Variants in TBC1D2B observed in about 807,000 individuals in gnomAD.
TBC1D2B encodes the protein TBC1 domain family member 2B.
In TBC1D2B, 64 loss-of-function variants were observed where a neutral mutation model predicts 100.8. The ratio of observed to expected loss-of-function variants is 0.64; its 90% CI spans 0.52 to 0.78. The LOEUF is 0.78. Among genes scored for constraint, TBC1D2B ranks in the 30% least tolerant of loss-of-function variants. TBC1D2B has a pLI of 0.00. For missense variants in TBC1D2B, 1,052 were observed against 1,218.4 expected (o/e 0.86, Z 2.03); for synonymous variants, 480 against 479.7 (o/e 1.00, Z -0.01).
rs541262120 is a variant in TBC1D2B, at chr15:78,026,768, G to A, written c.848-1271C>T. ...CTGTCTCTACTAAATATGCGTGGTG[G>A]TGCATGCCTGTAATCCCAGCTACTC... On this transcript the variant is annotated intron_variant, in intron 4 of 12. Coordinates refer to ENST00000300584, the MANE Select transcript of TBC1D2B (RefSeq NM_144572.2). Among the ~76,000 whole-genome samples the A allele has an allele frequency of 1.5e-3, 225 of 152,112 alleles. 1 individual carries two copies. Among genetic ancestry groups the A allele is most frequent in the Non-Finnish European group, 2.7e-3 (183 of 67,990 alleles).
At chr15:78,012,385 A>G (rs2072253791) in intron 9 of TBC1D2B, among the ~76,000 whole-genome samples, 1 of 152,244 alleles carries the variant, frequency 6.6e-6, no homozygotes, top group Non-Finnish European at 1.5e-5. Flanking sequence ...AAAGGAAACA[A>G]GTTTAAGTCC....
chr15:78,065,413 T>C (rs1015974924), intron 1 of TBC1D2B, among the ~76,000 whole-genome samples: 5 of 152,204 alleles, frequency 3.3e-5, no homozygotes, highest in African/African-American at 1.2e-4. Context: ...CCAGCTGGGC[T>C]GAGCCACAGA....
At chr15:78,036,331 C>A (rs1186107846) in intron 3 of TBC1D2B, among the ~76,000 whole-genome samples, 2 of 152,182 alleles carry the variant, frequency 1.3e-5, no homozygotes, top group Admixed American at 6.5e-5. Context: ...AGGTGGCAGG[C>A]CTGCAAGCCA....
chr15:78,045,322 C>A (rs1425966632), intron 2 of TBC1D2B, among the ~76,000 whole-genome samples: 1 of 152,064 alleles, frequency 6.6e-6, no homozygotes, highest in Non-Finnish European at 1.5e-5. Flanking sequence ...CAGTGTTGGC[C>A]CAGAGAAAGC....
rs1271263754 is a variant in TBC1D2B, at chr15:78,073,446, T to A, written c.360+3847A>T. ...AAGAAATGGTATTTGTAAAATTATA[T>A]ACCACTAGCTGAAGTCTGAGCAGGG... On this transcript the variant is annotated intron_variant, in intron 1 of 12. Transcript: ENST00000300584. Among the ~76,000 whole-genome samples, 3 of 152,194 alleles carry A rather than the reference T, an allele frequency of 2.0e-5. No individual in the cohort carries two copies. The East Asian group carries it at 5.8e-4, about 29-fold the overall frequency.
intron 6 of TBC1D2B, among the ~76,000 whole-genome samples, chr15:78,021,872 C>T (rs1263800395): frequency 6.6e-6 from 1 of 152,140 alleles, no homozygotes; most frequent in Non-Finnish European, 1.5e-5. Context: ...CGATCAGCTC[C>T]GTTAGCTGTC....
chr15:78,044,766 T>C (rs2073161085), intron 3 of TBC1D2B, 134 bp downstream of exon 3: 1 of 792,554 alleles, frequency 1.3e-6, no homozygotes, highest in Non-Finnish European at 1.9e-6. Flanking sequence ...CAATGATCTA[T>C]GGGAAAGTAT....
rs2071766051 is a variant in TBC1D2B at position 77,996,613 on chromosome 15, C to T, written c.*1547G>A. ...GGCCAGCTCCGTCTACCCAGTGAAA[C>T]ATTAGTGGAGTTGGTTAAAGACACG... On this transcript the variant is annotated 3_prime_UTR_variant, in exon 13 of 13. Transcript: ENST00000300584. 1 of 152,248 alleles carries T rather than the reference C, an allele frequency of 6.6e-6. No homozygotes were observed. The highest frequency in any genetic ancestry group is 1.5e-5 in the Non-Finnish European group (1 of 68,048). The allele number at this position is 152,248 out of a possible 1,614,324, so 9.4% of individuals were successfully genotyped here.
intron 4 of TBC1D2B, 26 bp from the exon 5 acceptor site, chr15:78,025,523 T>C (rs2072641034): frequency 1.5e-6 from 2 of 1,322,284 alleles, no homozygotes; most frequent in Non-Finnish European, 2.0e-6. Flanking sequence ...ACTTGTATTT[T>C]ATTATTATTA....
chr15:78,017,809 C>T (rs2141673074), intron 7 of TBC1D2B, 38 bp downstream of exon 7: 3 of 1,378,938 alleles, frequency 2.2e-6, no homozygotes, highest in African/African-American at 1.4e-5. Flanking sequence ...CTAACCTTAC[C>T]TCCCACCAGG....
chr15:78,035,889 G>A (rs898950187), intron 3 of TBC1D2B, among the ~76,000 whole-genome samples: 2 of 152,190 alleles, frequency 1.3e-5, no homozygotes, highest in South Asian at 2.1e-4. Flanking sequence ...TTCCAGATAA[G>A]TGCCTATATA....
Position 78,012,978 on chromosome 15 carries a change from T to A in TBC1D2B, c.2115A>T (p.Pro705=). 6.3e-7 allele frequency: 1 copy of A among 1,593,322 alleles called. No homozygotes were observed. The highest frequency in any genetic ancestry group is 8.6e-7 in the Non-Finnish European group (1 of 1,166,100). Residue 705 remains proline, a synonymous_variant, in exon 9 of 13, where the codon CCA becomes CCT. Coordinates refer to ENST00000300584, the MANE Select transcript of TBC1D2B (RefSeq NM_144572.2). ...LLQKALEKQN[P]ASKQIELDLL... ...AGTCCAGCTCAATCTGCTTGGAGGC[T>A]GGGTTCTGTTTCTCCAGCGCCTTCT... is the stretch of plus-strand genomic sequence containing the variant.
intron 1 of TBC1D2B, among the ~76,000 whole-genome samples, chr15:78,076,176 A>G (rs1416363594): frequency 2.0e-5 from 3 of 152,158 alleles, no homozygotes; most frequent in African/African-American, 4.8e-5. Context: ...TCCCAAGGAC[A>G]GGGGAGGCCT....
chr15:78,035,048 C>A (rs1013566104), intron 3 of TBC1D2B, among the ~76,000 whole-genome samples: 1 of 152,192 alleles, frequency 6.6e-6, no homozygotes, highest in African/African-American at 2.4e-5. Flanking sequence ...TTAAAGACCG[C>A]AGTCTCATTT....
intron 8 of TBC1D2B, among the ~76,000 whole-genome samples, chr15:78,015,012 T>C (rs1193202939): frequency 5.3e-5 from 8 of 152,098 alleles, no homozygotes; most frequent in Admixed American, 5.2e-4. Flanking sequence ...CCATCCTGGC[T>C]AACACGGTGA....
intron 3 of TBC1D2B, among the ~76,000 whole-genome samples, chr15:78,035,748 T>C (rs889943137): frequency 2.6e-5 from 4 of 151,148 alleles, no homozygotes; most frequent in Non-Finnish European, 4.4e-5. Flanking sequence ...AACAATGCTA[T>C]TTGAAATGAC....
chr15:78,034,063 AACG>A, intron 3 of TBC1D2B, among the ~76,000 whole-genome samples: 1 of 152,216 alleles, frequency 6.6e-6, no homozygotes, highest in Non-Finnish European at 1.5e-5. Context: ...GGAGCTGGTA[AACG>A]ACGTATAGCA....
At chr15:78,060,276 T>C (rs2073515509) in intron 1 of TBC1D2B, among the ~76,000 whole-genome samples, 1 of 152,204 alleles carries the variant, frequency 6.6e-6, no homozygotes, top group Non-Finnish European at 1.5e-5. Flanking sequence ...TTTTCCTTTA[T>C]GCCAACAATA....
intron 4 of TBC1D2B, 196 bp from the exon 5 acceptor site, chr15:78,025,693 ATTT>A (rs2072647520): frequency 2.8e-6 from 1 of 352,152 alleles, no homozygotes; most frequent in Non-Finnish European, 5.1e-6. Context: ...TGCCTGGCTA[ATTT>A]TTTGTATTTT....
Sources: gnomAD v4.1 joint callset for allele counts (sites outside exome capture counted in the v4.1 genomes callset) on GRCh38, gnomAD v4.1.1 for gene constraint, MANE v1.5 for transcripts, NCBI Gene and HGNC (gene_info 2026-07-23, HGNC 2026-07-21) for gene names.